NPC1: variants seen among roughly 807,000 people sequenced by gnomAD.
NPC1 encodes NPC intracellular cholesterol transporter 1.
A neutral mutation model predicts 140.4 loss-of-function variants in NPC1; 85 were observed. The ratio of observed to expected loss-of-function variants is 0.61; its 90% CI spans 0.51 to 0.72. The LOEUF (loss-of-function observed/expected upper bound fraction) is 0.72, where lower values mean the gene tolerates loss of function less well. Ranked by LOEUF, NPC1 falls within the 30% of genes least tolerant of loss-of-function variation. NPC1 has a pLI of 0.00. For synonymous variants in NPC1, 656 were observed against 624.8 expected (o/e 1.05, Z -0.74); for missense variants, 1,504 against 1,623.8 (o/e 0.93, Z 1.27).
At chr18:23,539,568 A>C (rs56201851) in intron 18 of NPC1, 98 bp from the exon 19 acceptor site, 10,665 of 899,712 alleles carry the variant, frequency 0.012, 101 homozygotes, top group Non-Finnish European at 0.015. Flanking sequence ...TCTACGTTTT[A>C]TACTGCTAAC....
chr18:23,580,037 G>C (rs2059339294), intron 1 of NPC1, among the ~76,000 whole-genome samples: 1 of 152,148 alleles, frequency 6.6e-6, no homozygotes, highest in South Asian at 2.1e-4. Context: ...AAATCCTAAA[G>C]CATTAACTAA....
At chr18:23,516,718 TTTC>T (rs142986954) in intron 3 of NPC1, among the ~76,000 whole-genome samples, 70,649 of 145,074 alleles carry the variant, frequency 0.49, 17,056 homozygotes, top group East Asian at 0.61. Context: ...TGTTTTAGAA[TTTC>T]TTCTTCTTTT....
chr18:23,562,489 C>T (rs143652826), intron 4 of NPC1, among the ~76,000 whole-genome samples: 1 of 151,990 alleles, frequency 6.6e-6, no homozygotes, highest in Non-Finnish European at 1.5e-5. Context: ...ATCTTCTTTC[C>T]CTAATCTTCA....
chr18:23,577,161 A>C (rs1205503977), intron 1 of NPC1, among the ~76,000 whole-genome samples: 1 of 151,518 alleles, frequency 6.6e-6, no homozygotes, highest in African/African-American at 2.4e-5. Flanking sequence ...GAGCAGCTAG[A>C]TACAGAGTGT....
chr18:23,523,023 G>A (rs999094048), intron 1 of NPC1: 2 of 152,240 alleles, frequency 1.3e-5, no homozygotes, highest in African/African-American at 4.8e-5. Context: ...ATCATCTGGG[G>A]GGCCTTAAAA....
At chr18:23,534,617 C>T in intron 22 of NPC1, 58 bp from the exon 23 acceptor site, 1 of 1,393,730 alleles carries the variant, frequency 7.2e-7, no homozygotes, top group Non-Finnish European at 1.0e-6. Flanking sequence ...CCTAGGCAGC[C>T]ACCCCGTTCT....
chr18:23,543,520 AC>A lies in NPC1; in HGVS notation c.2179del (p.Val727SerfsTer2), dbSNP rs2145394955. On this transcript the variant is annotated frameshift_variant, in exon 14 of 25. Coordinates refer to ENST00000269228, the MANE Select transcript of NPC1 (RefSeq NM_000271.5). LOFTEE classifies it high-confidence loss of function. The stretch of plus-strand genomic sequence containing the variant: ...CATACTGGGAGCCACTTCTCCTAGG[AC>A]CCTGCCCAGCTGCTGATCCAGGGTT... The part of the protein sequence containing the change: ...GETLDQQLGR[V>X]LGEVAPSMFL... The A allele has an allele frequency of 2.5e-6, 4 of 1,611,256 alleles. No individual in the cohort carries two copies. The highest frequency in any genetic ancestry group is 3.4e-6 in the Non-Finnish European group (4 of 1,179,094).
At position 23,541,076 on chromosome 18, in the gene NPC1, G is replaced by A; in HGVS notation, c.2506C>T (p.Pro836Ser). 6.2e-7 allele frequency: 1 copy of A among 1,614,116 alleles called. No individual in the cohort carries two copies. Among genetic ancestry groups the A allele is most frequent in the South Asian group, 1.1e-5 (1 of 91,090 alleles). Residue 836 changes from proline (P) to serine (S), a missense_variant, in exon 16 of 25, where the codon CCA becomes TCA. By Grantham distance (74) the Pro-to-Ser change is moderately conservative. Transcript: ENST00000269228. ...CACAGATAAGCGCATACCACAATTG[G>A]TCTCATCCAGTCCTTTAGCAGAAGT... ...SPLLLKDWMR[P>S]IVIAIFVGVL...
chr18:23,576,673 C>T (rs944237893), intron 1 of NPC1: 4 of 183,522 alleles, frequency 2.2e-5, no homozygotes, highest in African/African-American at 7.2e-5. Flanking sequence ...GAGTTTCTTC[C>T]TTCTGGTGGG....
At chr18:23,559,593 TCC>T (rs1276444111) in intron 6 of NPC1, among the ~76,000 whole-genome samples, 1 of 142,420 alleles carries the variant, frequency 7.0e-6, no homozygotes, top group African/African-American at 2.6e-5. Context: ...TGCCTTGGCC[TCC>T]TAAAGTGCTG....
At position 23,558,862 on chromosome 18, in the gene NPC1, T is replaced by A. The variant is rs190307309; in HGVS notation, c.881+1369A>T. Among the ~76,000 whole-genome samples the A allele has an allele frequency of 2.3e-3, 350 of 152,284 alleles. 2 individuals are homozygous for A. Among genetic ancestry groups the A allele is most frequent in the African/African-American group, 8.3e-3 (344 of 41,562 alleles). ...GCATTAGGTATATCTCCTAATGCTA[T>A]CCCTCCCCCAGGCCCCCACCCCACA... On this transcript the variant is annotated intron_variant, in intron 6 of 24. Coordinates refer to ENST00000269228, the MANE Select transcript of NPC1 (RefSeq NM_000271.5).
At chr18:23,570,265 T>A (rs1287010415) in intron 3 of NPC1, among the ~76,000 whole-genome samples, 1 of 152,266 alleles carries the variant, frequency 6.6e-6, no homozygotes, top group Non-Finnish European at 1.5e-5. Context: ...TTGTTTCTCC[T>A]GTTTGCTATT....
downstream of NPC1, among the ~76,000 whole-genome samples, chr18:23,521,129 A>AC (rs2058131748): frequency 6.6e-6 from 1 of 152,238 alleles, no homozygotes; most frequent in African/African-American, 2.4e-5. Context: ...TGCTAGGATT[A>AC]CAAGTGTGAG....
intron 7 of NPC1, 45 bp downstream of exon 7, chr18:23,557,072 G>T: frequency 1.4e-6 from 2 of 1,476,610 alleles, no homozygotes; most frequent in Non-Finnish European, 1.9e-6. Flanking sequence ...TCTCATGACA[G>T]ACAGCATCAT....
Position 23,568,839 on chromosome 18 carries a change from T to C in NPC1, c.447A>G (p.Gly149=), listed in dbSNP as rs1171390165. The change falls in exon 4 of 25, where the codon GGA becomes GGG. Residue 149 remains glycine (G), a synonymous_variant. Coordinates refer to ENST00000269228, the MANE Select transcript of NPC1 (RefSeq NM_000271.5). ...TNVKELQYYV[G]QSFANAMYNA... is the part of the protein sequence containing the mutation. ...TTTACTTACCATTGGCAAAACTCTG[T>C]CCGACGTAGTATTGTAACTCTTTCA... The C allele has an allele frequency of 6.2e-7, 1 of 1,613,958 alleles. No individual in the cohort carries two copies. The highest frequency in any genetic ancestry group is 1.7e-5 in the Admixed American group (1 of 60,008).
chr18:23,537,204 G>A (rs908450675), intron 20 of NPC1, among the ~76,000 whole-genome samples: 1 of 152,130 alleles, frequency 6.6e-6, no homozygotes, highest in Non-Finnish European at 1.5e-5. Context: ...CGAATAGCTG[G>A]GATTACAGGC....
chr18:23,527,343 G>A (rs531151549), downstream of NPC1, among the ~76,000 whole-genome samples: 6 of 151,944 alleles, frequency 3.9e-5, no homozygotes, highest in East Asian at 3.9e-4. Flanking sequence ...AGGCTGCAGC[G>A]AGCCGTTTGT....
chr18:23,538,718 A>AT, intron 19 of NPC1, 47 bp from the exon 20 acceptor site: 1 of 1,605,994 alleles, frequency 6.2e-7, no homozygotes, highest in Non-Finnish European at 8.5e-7. Flanking sequence ...AGGTCTCCAG[A>AT]TTTTTTGTAA....
downstream of NPC1, chr18:23,520,461 C>G (rs1421975381): frequency 1.4e-6 from 1 of 691,386 alleles, no homozygotes; most frequent in African/African-American, 1.8e-5. Context: ...GCCATTTGTT[C>G]CAGTTTTGTT....
Sources: gnomAD v4.1 joint callset for allele counts (sites outside exome capture counted in the v4.1 genomes callset) on GRCh38, gnomAD v4.1.1 for gene constraint, MANE v1.5 for transcripts, NCBI Gene and HGNC (gene_info 2026-07-23, HGNC 2026-07-21) for gene names.